ACOXL: variants seen among roughly 807,000 people sequenced by gnomAD.
ACOXL encodes acyl-CoA oxidase like.
In ACOXL, 70 loss-of-function variants were observed where a neutral mutation model predicts 71.9. The observed-to-expected ratio is 0.97, with a 90% CI of 0.80 to 1.19. The LOEUF is 1.19. Ranked by LOEUF, ACOXL falls within the 50% of genes most tolerant of loss-of-function variation. The probability of loss-of-function intolerance (pLI) is 0.00; values close to 1 mark genes in which losing one functional copy is unlikely to be tolerated. For missense variants in ACOXL, 703 were observed against 736.3 expected (o/e 0.95, Z 0.52); for synonymous variants, 253 against 281.6 (o/e 0.90, Z 1.02).
chr2:111,023,898 A>G (rs113382094), intron 14 of ACOXL, among the ~76,000 whole-genome samples: 1 of 152,170 alleles, frequency 6.6e-6, no homozygotes, highest in African/African-American at 2.4e-5. Context: ...GGCTGGGCCA[A>G]GAGAACATGC....
chr2:110,804,518 A>G (rs1483006293), intron 8 of ACOXL, among the ~76,000 whole-genome samples: 2 of 152,230 alleles, frequency 1.3e-5, no homozygotes, highest in Non-Finnish European at 2.9e-5. Flanking sequence ...TATCCACACA[A>G]TAAATTATAC....
At chr2:111,105,281 A>T (rs1558973898) in intron 17 of ACOXL, among the ~76,000 whole-genome samples, 1 of 152,082 alleles carries the variant, frequency 6.6e-6, no homozygotes, top group Non-Finnish European at 1.5e-5. Flanking sequence ...CCACCTCTTT[A>T]TTATTTTACA....
intron 12 of ACOXL, among the ~76,000 whole-genome samples, chr2:110,939,201 G>T (rs1363632191): frequency 6.6e-6 from 1 of 152,166 alleles, no homozygotes. Context: ...ATCATCTGTG[G>T]AGGGCAGCTT....
intron 16 of ACOXL, among the ~76,000 whole-genome samples, chr2:111,051,511 C>T (rs2066286999): frequency 6.6e-6 from 1 of 152,188 alleles, no homozygotes; most frequent in Non-Finnish European, 1.5e-5. Context: ...TTCTGTCACC[C>T]AGGCTGGAGT....
intron 1 of ACOXL, among the ~76,000 whole-genome samples, chr2:110,756,113 C>G (rs950116520): frequency 6.6e-6 from 1 of 151,730 alleles, no homozygotes; most frequent in Non-Finnish European, 1.5e-5. Flanking sequence ...TTAGTAATAG[C>G]CCACTTTTCT....
In ACOXL at chr2:111,074,602, A is replaced by AT. The variant is rs1056074426; in HGVS notation, c.1441-18254dup. ...ATATGATAAATAACAATGTCTTTTG[A>AT]TTTTTTTTTGGAAACCAGGTCTCAT... On this transcript the variant is annotated intron_variant, in intron 16 of 17. Transcript: ENST00000439055. Among the ~76,000 whole-genome samples the AT allele has an allele frequency of 2.3e-4, 35 of 150,038 alleles. 1 individual carries two copies. Among genetic ancestry groups the AT allele is most frequent in the Admixed American group, 1.3e-3 (20 of 15,038 alleles).
intron 10 of ACOXL, among the ~76,000 whole-genome samples, chr2:110,893,968 CTCTT>C (rs763947827): frequency 5.9e-5 from 9 of 152,240 alleles, no homozygotes; most frequent in Non-Finnish European, 1.2e-4. Flanking sequence ...TGCATGGCCT[CTCTT>C]TCTCTCTCTT....
chr2:110,760,732 C>A (rs1393206213), intron 1 of ACOXL, among the ~76,000 whole-genome samples: 1 of 152,192 alleles, frequency 6.6e-6, no homozygotes, highest in Admixed American at 6.5e-5. Context: ...GTAGTCTGAG[C>A]ATATTTTTAG....
chr2:110,861,831 C>G (rs977925782), intron 10 of ACOXL, among the ~76,000 whole-genome samples: 5 of 152,120 alleles, frequency 3.3e-5, no homozygotes, highest in African/African-American at 7.2e-5. Context: ...ATTTTCTCAC[C>G]GGGCTGCACC....
At chr2:110,803,419 A>G (rs1043234223) in intron 8 of ACOXL, among the ~76,000 whole-genome samples, 2 of 152,242 alleles carry the variant, frequency 1.3e-5, no homozygotes, top group African/African-American at 4.8e-5. Context: ...TTCAATGGGG[A>G]AAGAATAGTC....
chr2:111,093,341 C>A, intron 17 of ACOXL: 1 of 911,544 alleles, frequency 1.1e-6, no homozygotes, highest in South Asian at 2.0e-5. Flanking sequence ...CAGTGGTAGC[C>A]ATGGGGAATT....
At chr2:110,927,930 T>G (rs2060338312) in intron 11 of ACOXL, among the ~76,000 whole-genome samples, 4 of 152,186 alleles carry the variant, frequency 2.6e-5, no homozygotes, top group Admixed American at 1.3e-4. Context: ...TTTGGAATCA[T>G]CTAGTGGGAT....
chr2:110,898,822 T>G (rs2059118618), intron 10 of ACOXL, among the ~76,000 whole-genome samples: 1 of 152,150 alleles, frequency 6.6e-6, no homozygotes, highest in Admixed American at 6.5e-5. Flanking sequence ...GATGACATGC[T>G]TATTTATGTA....
intron 11 of ACOXL, among the ~76,000 whole-genome samples, chr2:110,922,074 A>G (rs1391538608): frequency 6.6e-6 from 1 of 152,222 alleles, no homozygotes; most frequent in Non-Finnish European, 1.5e-5. Flanking sequence ...TGCAGATCAT[A>G]TATATCATTA....
chr2:111,113,382 G>C (rs768647517), intron 17 of ACOXL, among the ~76,000 whole-genome samples: 24 of 152,166 alleles, frequency 1.6e-4, no homozygotes, highest in Non-Finnish European at 3.1e-4. Flanking sequence ...TAGTTGTCCA[G>C]GAAATGTCAG....
chr2:111,033,616 C>T (rs1003365868), intron 15 of ACOXL, among the ~76,000 whole-genome samples: 1 of 152,190 alleles, frequency 6.6e-6, no homozygotes, highest in Non-Finnish European at 1.5e-5. Flanking sequence ...CAACCTCATT[C>T]CTTTAAGAAA....
chr2:110,938,849 T>C (rs971903101), intron 12 of ACOXL, among the ~76,000 whole-genome samples: 4 of 152,140 alleles, frequency 2.6e-5, no homozygotes, highest in Non-Finnish European at 5.9e-5. Flanking sequence ...CTTTTTTTTT[T>C]TTAAAAAAAC....
At chr2:111,079,207 C>T (rs1457365241) in intron 16 of ACOXL, among the ~76,000 whole-genome samples, 1 of 152,054 alleles carries the variant, frequency 6.6e-6, no homozygotes, top group African/African-American at 2.4e-5. Context: ...TATTCATCAC[C>T]CAAATAATGT....
At chr2:110,733,056 G>A (rs1159177539) in intron 1 of ACOXL, 1 of 152,410 alleles carries the variant, frequency 6.6e-6, no homozygotes, top group East Asian at 1.9e-4. Flanking sequence ...GGGCCCCGCG[G>A]TGACAGGCGC....
Sources: gnomAD v4.1 joint callset for allele counts (sites outside exome capture counted in the v4.1 genomes callset) on GRCh38, gnomAD v4.1.1 for gene constraint, MANE v1.5 for transcripts, NCBI Gene and HGNC (gene_info 2026-07-23, HGNC 2026-07-21) for gene names.